MYO3A: variants seen among roughly 807,000 people sequenced by gnomAD.
The protein encoded by MYO3A is myosin IIIA.
In MYO3A, 180 loss-of-function variants were observed where a neutral mutation model predicts 192.7. That is an observed-to-expected ratio of 0.93 (90% confidence interval 0.83 to 1.06). The LOEUF (loss-of-function observed/expected upper bound fraction) is 1.06, where lower values mean the gene tolerates loss of function less well. MYO3A is among the 50% of genes least tolerant of loss of function. MYO3A has a pLI of 0.00. For missense variants in MYO3A, 1,896 were observed against 1,905.0 expected (o/e 1.00, Z 0.09); for synonymous variants, 628 against 645.3 (o/e 0.97, Z 0.41).
chr10:26,199,556 C>T (rs1843583351), intron 32 of MYO3A, among the ~76,000 whole-genome samples: 1 of 151,798 alleles, frequency 6.6e-6, no homozygotes, highest in African/African-American at 2.4e-5. Flanking sequence ...AGTCACAGAG[C>T]GAGACACTGT....
chr10:26,007,900 A>C (rs538260475), intron 6 of MYO3A, among the ~76,000 whole-genome samples: 1 of 152,274 alleles, frequency 6.6e-6, no homozygotes, highest in African/African-American at 2.4e-5. Flanking sequence ...TTCATATGGC[A>C]CCAAAAAAGA....
chr10:26,160,329 C>T lies in MYO3A; in HGVS notation c.2999+2814C>T, dbSNP rs116629967. 4.3e-3 allele frequency among the ~76,000 whole-genome samples: 659 copies of T among 152,242 alleles called. 4 individuals are homozygous for T. The highest frequency in any genetic ancestry group is 0.015 in the African/African-American group (636 of 41,542). On this transcript the variant is annotated intron_variant, in intron 26 of 34. Coordinates refer to ENST00000642920, the MANE Select transcript of MYO3A (RefSeq NM_017433.5). The stretch of plus-strand genomic sequence containing the variant: ...GTGCCAAGGCCAAGAGAATGATATA[C>T]ACAGTGTAAGAGTTCAAGGGAAGGA...
At chr10:26,054,124 A>G (rs912737236) in intron 10 of MYO3A, among the ~76,000 whole-genome samples, 3 of 148,748 alleles carry the variant, frequency 2.0e-5, no homozygotes, top group African/African-American at 2.4e-5. Context: ...GGATCAGATT[A>G]TAAGAGACCT....
At chr10:26,011,937 A>G (rs1841688589) in intron 6 of MYO3A, among the ~76,000 whole-genome samples, 1 of 152,210 alleles carries the variant, frequency 6.6e-6, no homozygotes, top group Non-Finnish European at 1.5e-5. Flanking sequence ...ATGCAGGGAT[A>G]GTTTAACATA....
rs542753619 is a variant in MYO3A at position 26,147,671 on chromosome 10, T to G, written c.2635+112T>G. On this transcript the variant is annotated intron_variant, in intron 23 of 34. Transcript: ENST00000642920. ...TTTTTCATGTGAGTTTGTTTTCGGCTCACTAAATATTCATTTGTTAATATC... is the reference window on the plus strand; with the variant it reads ...TTTTTCATGTGAGTTTGTTTTCGGCGCACTAAATATTCATTTGTTAATATC... The G allele has an allele frequency of 4.7e-6, 7 of 1,477,004 alleles. No homozygotes were observed. In the African/African-American group the frequency reaches 7.0e-5, roughly 15 times the overall value. The allele number at this position is 1,477,004 out of a possible 1,614,324, so 91.5% of individuals were successfully genotyped here.
chr10:26,087,044 C>T (rs1836376252), intron 14 of MYO3A, among the ~76,000 whole-genome samples: 1 of 152,046 alleles, frequency 6.6e-6, no homozygotes, highest in African/African-American at 2.4e-5. Context: ...TACTTATGTC[C>T]TTGATAAGGA....
chr10:25,970,241 G>T (rs188052022), intron 4 of MYO3A, among the ~76,000 whole-genome samples: 1 of 151,740 alleles, frequency 6.6e-6, no homozygotes, highest in East Asian at 1.9e-4. Flanking sequence ...AATCATAAAA[G>T]AATATTATCT....
At chr10:25,959,034 T>A (rs966216850) in intron 4 of MYO3A, among the ~76,000 whole-genome samples, 4 of 152,142 alleles carry the variant, frequency 2.6e-5, no homozygotes, top group African/African-American at 9.7e-5. Flanking sequence ...GAGATCTTGC[T>A]GAAGTTGTTT....
intron 31 of MYO3A, among the ~76,000 whole-genome samples, chr10:26,180,553 C>A (rs952635367): frequency 6.6e-6 from 1 of 151,918 alleles, no homozygotes; most frequent in African/African-American, 2.4e-5. Flanking sequence ...GCATAACTAT[C>A]AAAAGGGAAC....
intron 20 of MYO3A, among the ~76,000 whole-genome samples, chr10:26,131,468 T>C (rs1839530448): frequency 6.6e-6 from 1 of 152,190 alleles, no homozygotes; most frequent in Non-Finnish European, 1.5e-5. Context: ...TTTTCCTAAA[T>C]CCAGGAATCT....
chr10:26,174,699 G>T (rs1842230536), intron 30 of MYO3A, 142 bp downstream of exon 30: 7 of 744,100 alleles, frequency 9.4e-6, no homozygotes, highest in Non-Finnish European at 1.5e-5. Flanking sequence ...ATGTCTCAGG[G>T]ATTGTGCTAT....
At chr10:26,164,717 C>T (rs532826110) in intron 26 of MYO3A, among the ~76,000 whole-genome samples, 3 of 152,202 alleles carry the variant, frequency 2.0e-5, no homozygotes, top group East Asian at 1.9e-4. Flanking sequence ...AGGATAGAGA[C>T]GCAGATGATT....
chr10:26,021,206 C>T (rs1486274341), intron 7 of MYO3A, among the ~76,000 whole-genome samples: 5 of 152,132 alleles, frequency 3.3e-5, no homozygotes, highest in African/African-American at 1.2e-4. Context: ...TGATCCCATC[C>T]CTTTCCATTT....
chr10:26,138,064 T>A (rs941669167), intron 20 of MYO3A, among the ~76,000 whole-genome samples: 7 of 152,226 alleles, frequency 4.6e-5, no homozygotes, highest in Admixed American at 3.3e-4. Flanking sequence ...CTCAGAAGCA[T>A]GTGATCTTCA....
At chr10:25,949,926 C>T (rs1837096695) in intron 2 of MYO3A, among the ~76,000 whole-genome samples, 1 of 152,080 alleles carries the variant, frequency 6.6e-6, no homozygotes, top group Non-Finnish European at 1.5e-5. Context: ...TCTCTGCTGT[C>T]AGAATTAACA....
In MYO3A at chr10:26,130,160, A is replaced by G. The variant is rs1839448795; in HGVS notation, c.2262+1622A>G. Among the ~76,000 whole-genome samples, 3 of 151,662 alleles carry G rather than the reference A, an allele frequency of 2.0e-5. No homozygotes were observed. In the South Asian group the frequency reaches 6.2e-4, roughly 32 times the overall value. ...CACTCTGTCACCCAGGCTGTAGTGC[A>G]GTGGGGTGGTGTTGGCTGACTGCAG... On this transcript the variant is annotated intron_variant, in intron 20 of 34. Transcript: ENST00000642920.
intron 4 of MYO3A, among the ~76,000 whole-genome samples, chr10:25,985,924 T>C (rs184559656): frequency 2.1e-3 from 325 of 152,268 alleles, no homozygotes; most frequent in African/African-American, 7.2e-3. Flanking sequence ...GAAAACTGCA[T>C]ATCCCTGATG....
intron 2 of MYO3A, among the ~76,000 whole-genome samples, chr10:25,940,897 T>C (rs1836448551): frequency 6.6e-6 from 1 of 152,196 alleles, no homozygotes; most frequent in South Asian, 2.1e-4. Flanking sequence ...TATATAAGTG[T>C]GGATTTCTTT....
intron 20 of MYO3A, among the ~76,000 whole-genome samples, chr10:26,136,258 A>T (rs917427583): frequency 6.6e-6 from 1 of 152,224 alleles, no homozygotes; most frequent in Non-Finnish European, 1.5e-5. Context: ...CTGATTTATG[A>T]CTTGAAAACA....
Sources: gnomAD v4.1 joint callset for allele counts (sites outside exome capture counted in the v4.1 genomes callset) on GRCh38, gnomAD v4.1.1 for gene constraint, MANE v1.5 for transcripts, NCBI Gene and HGNC (gene_info 2026-07-23, HGNC 2026-07-21) for gene names.